Variants in AGBL1 observed in about 807,000 individuals in gnomAD.
The protein encoded by AGBL1 is AGBL carboxypeptidase 1.
AGBL1 carries 130 observed loss-of-function variants against 118.9 expected under a neutral mutation model. That is an observed-to-expected ratio of 1.09 (90% CI 0.95 to 1.26). The LOEUF (loss-of-function observed/expected upper bound fraction) is 1.26, where lower values mean the gene tolerates loss of function less well. AGBL1 is among the 50% of genes most tolerant of loss of function. The pLI, the probability that AGBL1 is intolerant of heterozygous loss-of-function variation, is 0.00. For missense variants in AGBL1, 1,584 were observed against 1,298.1 expected (o/e 1.22, Z -3.38); for synonymous variants, 555 against 478.9 (o/e 1.16, Z -2.08).
At chr15:86,716,697 A>T (rs1310289410) in intron 22 of AGBL1, among the ~76,000 whole-genome samples, 6 of 152,208 alleles carry the variant, frequency 3.9e-5, no homozygotes. Flanking sequence ...AGGAGCTCAT[A>T]ACATAGATGT....
chr15:86,876,370 G>A (rs146474709), intron 22 of AGBL1, among the ~76,000 whole-genome samples: 13 of 152,198 alleles, frequency 8.5e-5, no homozygotes, highest in Admixed American at 8.5e-4. Flanking sequence ...AAGCTGCACC[G>A]ATGGAGGGCA....
intron 23 of AGBL1, among the ~76,000 whole-genome samples, chr15:86,928,026 G>T (rs567149059): frequency 6.6e-6 from 1 of 152,250 alleles, no homozygotes; most frequent in Non-Finnish European, 1.5e-5. Flanking sequence ...TTTATGTAAG[G>T]AATGTCTGAG....
intron 18 of AGBL1, among the ~76,000 whole-genome samples, chr15:86,441,187 A>G (rs1243693319): frequency 6.6e-6 from 1 of 152,202 alleles, no homozygotes; most frequent in East Asian, 1.9e-4. Context: ...TGACTGTACT[A>G]CATAGCCCTG....
chr15:86,930,773 T>C (rs971867613), intron 23 of AGBL1, among the ~76,000 whole-genome samples: 5 of 152,108 alleles, frequency 3.3e-5, no homozygotes, highest in African/African-American at 7.2e-5. Flanking sequence ...CCCTGAACCA[T>C]AGATATAAAG....
rs186570066 is a variant in AGBL1, at chr15:86,139,928, C to T, written c.52-2076C>T. 205 of 157,192 alleles carry T rather than the reference C, an allele frequency of 1.3e-3. 4 individuals are homozygous for T. Among genetic ancestry groups the T allele is most frequent in the Non-Finnish European group, 5.4e-4 (38 of 71,002 alleles). 9.7% of individuals were successfully genotyped at this position (157,192 alleles called of 1,614,324 possible). On this transcript the variant is annotated intron_variant, in intron 1 of 22. Coordinates refer to ENST00000614907, the MANE Select transcript of AGBL1 (RefSeq NM_001386094.1). Reference sequence around the variant, plus strand: ...GGCAGCGGGAACTTGTTCTTGGAGTCGTGGAACTGCTTCACTGTGGGCCGG... The same window carrying T: ...GGCAGCGGGAACTTGTTCTTGGAGTTGTGGAACTGCTTCACTGTGGGCCGG...
At chr15:86,588,992 A>C (rs1429836818) in intron 21 of AGBL1, among the ~76,000 whole-genome samples, 1 of 151,984 alleles carries the variant, frequency 6.6e-6, no homozygotes, top group Admixed American at 6.6e-5. Flanking sequence ...TTTATTTTTT[A>C]TGTGTATCTT....
intron 22 of AGBL1, among the ~76,000 whole-genome samples, chr15:86,769,697 T>C (rs904381778): frequency 2.0e-5 from 3 of 151,992 alleles, no homozygotes; most frequent in Non-Finnish European, 4.4e-5. Context: ...ATGGTGACTT[T>C]CCTTGGACTT....
chr15:87,030,360 A>C (rs574727115), downstream of AGBL1, among the ~76,000 whole-genome samples: 1 of 152,114 alleles, frequency 6.6e-6, no homozygotes, highest in Admixed American at 6.6e-5. Context: ...TAAGAACCAA[A>C]TTCTTAGATA....
chr15:86,125,815 G>A (rs962313898), intron 1 of AGBL1, among the ~76,000 whole-genome samples: 8 of 152,300 alleles, frequency 5.3e-5, no homozygotes, highest in South Asian at 4.1e-4. Flanking sequence ...GTGGAATTCC[G>A]GAAAACAGGC....
intron 17 of AGBL1, among the ~76,000 whole-genome samples, chr15:86,314,765 C>T (rs1166470302): frequency 2.0e-5 from 3 of 152,114 alleles, no homozygotes; most frequent in Admixed American, 6.5e-5. Flanking sequence ...AGAAACCAGC[C>T]GTGTAGGAAG....
At chr15:86,686,541 G>C (rs1196189665) in intron 22 of AGBL1, among the ~76,000 whole-genome samples, 1 of 149,606 alleles carries the variant, frequency 6.7e-6, no homozygotes, top group Non-Finnish European at 1.5e-5. Flanking sequence ...GGGTTCAAGT[G>C]ATTCTCCTGC....
intron 23 of AGBL1, among the ~76,000 whole-genome samples, chr15:86,950,198 C>A (rs888530319): frequency 1.3e-5 from 2 of 151,246 alleles, no homozygotes; most frequent in African/African-American, 4.8e-5. Flanking sequence ...AATAAATTCT[C>A]AAAAAACAGT....
At chr15:86,877,073 T>C (rs2141520715) in intron 22 of AGBL1, among the ~76,000 whole-genome samples, 1 of 152,286 alleles carries the variant, frequency 6.6e-6, no homozygotes, top group South Asian at 2.1e-4. Flanking sequence ...TGAGCTCTCT[T>C]CTCAGATCCA....
intron 22 of AGBL1, 55 bp downstream of exon 22, chr15:86,674,491 A>G: frequency 6.5e-7 from 1 of 1,531,940 alleles, no homozygotes; most frequent in Non-Finnish European, 8.9e-7. Context: ...TCCATTGCTC[A>G]ATATCTCAGT....
In AGBL1 at chr15:86,879,307, G is replaced by C. The variant is rs1187514482; in HGVS notation, c.3159-27780G>C. 7.2e-5 allele frequency among the ~76,000 whole-genome samples: 11 copies of C among 152,210 alleles called. No homozygotes were observed. In the East Asian group the frequency reaches 1.4e-3, roughly 19 times the overall value. ...GTGTCTGACTTCACAAGCCCCTGGGGCAGCAGCTCCTCTGATGGTTATAAA... is the reference window on the plus strand; with the variant it reads ...GTGTCTGACTTCACAAGCCCCTGGGCCAGCAGCTCCTCTGATGGTTATAAA... On this transcript the variant is annotated intron_variant, in intron 22 of 22. Coordinates refer to ENST00000614907, the MANE Select transcript of AGBL1 (RefSeq NM_001386094.1).
At chr15:86,975,482 A>T (rs1244639840) in intron 23 of AGBL1, among the ~76,000 whole-genome samples, 1 of 152,100 alleles carries the variant, frequency 6.6e-6, no homozygotes, top group Non-Finnish European at 1.5e-5. Flanking sequence ...GGGAGCTGCA[A>T]TTCAAGATGG....
chr15:86,196,535 T>C (rs768873788), intron 5 of AGBL1, among the ~76,000 whole-genome samples: 16 of 152,170 alleles, frequency 1.1e-4, no homozygotes, highest in Non-Finnish European at 1.8e-4. Context: ...GGAGAAGGGG[T>C]GAGCTCTCCT....
chr15:86,727,413 A>T (rs1046743120), intron 22 of AGBL1, among the ~76,000 whole-genome samples: 5 of 152,004 alleles, frequency 3.3e-5, no homozygotes, highest in African/African-American at 1.2e-4. Context: ...GATATCATTA[A>T]TTTTTTTTAA....
At chr15:86,680,767 A>G (rs1262958761) in intron 22 of AGBL1, among the ~76,000 whole-genome samples, 1 of 151,444 alleles carries the variant, frequency 6.6e-6, no homozygotes, top group Non-Finnish European at 1.5e-5. Flanking sequence ...GGTTTTCACC[A>G]TGTTGGCCAG....
Sources: gnomAD v4.1 joint callset for allele counts (sites outside exome capture counted in the v4.1 genomes callset) on GRCh38, gnomAD v4.1.1 for gene constraint, MANE v1.5 for transcripts, NCBI Gene and HGNC (gene_info 2026-07-23, HGNC 2026-07-21) for gene names.